Variants in PLA2G4E observed in about 807,000 individuals in gnomAD.
The protein encoded by PLA2G4E is cytosolic phospholipase A2 epsilon.
In PLA2G4E, 84 loss-of-function variants were observed where a neutral mutation model predicts 109.1. That is an observed-to-expected ratio of 0.77 (90% CI 0.65 to 0.92). The LOEUF is 0.92. PLA2G4E is among the 40% of genes least tolerant of loss of function. PLA2G4E has a pLI of 0.00. For missense variants in PLA2G4E, 1,057 were observed against 1,076.6 expected, an observed-to-expected ratio of 0.98 and a Z score of 0.25; for synonymous variants, 469 against 436.1, an observed-to-expected ratio of 1.08 and a Z score of -0.94.
At chr15:41,995,226 G>T in intron 12 of PLA2G4E, 134 bp downstream of exon 12, 1 of 1,192,096 alleles carries the variant, frequency 8.4e-7, no homozygotes, top group Non-Finnish European at 1.2e-6. Flanking sequence ...CCACACCACT[G>T]CATGTGGGGC....
intron 2 of PLA2G4E, chr15:42,009,772 A>C (rs1351560198): frequency 1.2e-5 from 2 of 166,454 alleles, no homozygotes; most frequent in East Asian, 3.6e-4. Flanking sequence ...CTGCCTTTGC[A>C]CATGTAGCTC....
chr15:41,989,599 C>CTGA (rs1282937797), intron 14 of PLA2G4E, 47 bp from the exon 15 acceptor site: 3 of 1,579,370 alleles, frequency 1.9e-6, no homozygotes, highest in Non-Finnish European at 2.6e-6. Flanking sequence ...GCCAGGGAGC[C>CTGA]GTCCACACAG....
intron 1 of PLA2G4E, among the ~76,000 whole-genome samples, chr15:42,043,741 G>C (rs567191786): frequency 1.6e-4 from 24 of 152,128 alleles, no homozygotes; most frequent in Non-Finnish European, 3.1e-4. Context: ...TGGGGCAGCA[G>C]TCAGCAATTA....
At chr15:41,985,232 G>A (rs2068121395) in intron 18 of PLA2G4E, among the ~76,000 whole-genome samples, 1 of 152,208 alleles carries the variant, frequency 6.6e-6, no homozygotes. Flanking sequence ...TCACACGTAG[G>A]AAAGTGCATT....
rs1215524342 is a variant in PLA2G4E, at chr15:41,995,421, GC to G, written c.1185del (p.Leu396CysfsTer4). On this transcript the variant is annotated frameshift_variant, in exon 12 of 20. Transcript: ENST00000399518. LOFTEE classifies it high-confidence loss of function. ...CAGTCCAGGAGGTTCAGCTTCTGCA[GC>G]CCCAGCAGGTGGCCATACATGGAGG... 6.2e-7 allele frequency: 1 copy of G among 1,613,828 alleles called. No individual in the cohort carries two copies. The highest frequency in any genetic ancestry group is 8.5e-7 in the Non-Finnish European group (1 of 1,179,840).
At chr15:42,007,090 A>G (rs2068484542) in intron 3 of PLA2G4E, among the ~76,000 whole-genome samples, 1 of 152,242 alleles carries the variant, frequency 6.6e-6, no homozygotes, top group African/African-American at 2.4e-5. Context: ...TGGAGGCAGT[A>G]AGGTGGAGCT....
intron 3 of PLA2G4E, among the ~76,000 whole-genome samples, chr15:42,006,491 A>C (rs757610919): frequency 8.5e-5 from 13 of 152,182 alleles, no homozygotes; most frequent in Non-Finnish European, 1.8e-4. Context: ...TGTGGTCAGC[A>C]CTGGGCCCCT....
chr15:41,984,114 T>A, intron 19 of PLA2G4E, 140 bp from the exon 20 acceptor site: 1 of 788,188 alleles, frequency 1.3e-6, no homozygotes, highest in Non-Finnish European at 2.1e-6. Flanking sequence ...ACGCACACCC[T>A]CACACACGCA....
chr15:41,984,584 C>T lies in PLA2G4E; in HGVS notation c.2238G>A (p.Gln746=), dbSNP rs149056482. Residue 746 remains glutamine (Q), a synonymous_variant, in exon 19 of 20, where the codon CAG becomes CAA. Transcript: ENST00000399518. ...GCTCGTATTTGGGGAAGGGGATGTT[C>T]TGCACAGTGCAGTACTCACAGGTTT... 201 of 1,613,636 alleles carry T rather than the reference C, an allele frequency of 1.2e-4. 1 individual carries two copies. The East Asian group carries it at 4.4e-3, about 36-fold the overall frequency.
At chr15:41,983,578 T>G in exon 20 of PLA2G4E, 1 of 615,456 alleles carries the variant, frequency 1.6e-6, no homozygotes, top group South Asian at 2.1e-5. Context: ...TCTCTCTCTC[T>G]TTCTGACTTT....
rs777612356 is a variant in PLA2G4E, at chr15:41,992,727, G to A, written c.1470+10C>T. 28 of 1,609,498 alleles carry A rather than the reference G, an allele frequency of 1.7e-5. No individual in the cohort carries two copies. The highest frequency in any genetic ancestry group is 8.0e-5 in the African/African-American group (6 of 74,800). On this transcript the variant is annotated intron_variant, in intron 13 of 19. Transcript: ENST00000399518. ...GGCAGGGTGGGGCCCAGGAGAAGCC[G>A]AGCACCTACCTCGTCCCCCAGGCAG...
At chr15:42,016,525 C>T (rs55845751) in intron 1 of PLA2G4E, among the ~76,000 whole-genome samples, 19,027 of 151,870 alleles carry the variant, frequency 0.13, 2,635 homozygotes, top group African/African-American at 0.33. Flanking sequence ...TTAGTAGAGA[C>T]GCAGTTTCAC....
chr15:41,987,896 G>GC (rs1018109981), intron 16 of PLA2G4E, among the ~76,000 whole-genome samples, 153 bp downstream of exon 16: 1 of 149,428 alleles, frequency 6.7e-6, no homozygotes, highest in African/African-American at 2.5e-5. Flanking sequence ...GCCGGGGGCC[G>GC]CCCCCCATCA....
At chr15:42,050,374 G>T in intron 1 of PLA2G4E, 1 of 931,960 alleles carries the variant, frequency 1.1e-6, no homozygotes, top group Admixed American at 2.9e-5. Context: ...GATGGCAGCA[G>T]GGTAAAGGGA....
intron 2 of PLA2G4E, chr15:42,010,134 C>CT: frequency 2.2e-6 from 1 of 464,266 alleles, no homozygotes. Flanking sequence ...GAACACTGGC[C>CT]CCCCCACCCC....
intron 11 of PLA2G4E, among the ~76,000 whole-genome samples, chr15:41,996,379 A>AAAAAAAAAAT: frequency 8.6e-6 from 1 of 116,872 alleles, no homozygotes; most frequent in East Asian, 2.5e-4. Flanking sequence ...AAAAAAAAAA[A>AAAAAAAAAAT]GGAGGGAGGA....
intron 1 of PLA2G4E, among the ~76,000 whole-genome samples, chr15:42,040,130 G>A (rs1889289201): frequency 6.6e-6 from 1 of 152,016 alleles, no homozygotes; most frequent in Non-Finnish European, 1.5e-5. Flanking sequence ...GAGGCCAGGA[G>A]TTCAAGACCA....
chr15:42,037,089 G>A (rs554205956), intron 1 of PLA2G4E, among the ~76,000 whole-genome samples: 1 of 152,352 alleles, frequency 6.6e-6, no homozygotes, highest in Admixed American at 6.5e-5. Flanking sequence ...TGGGGGGTGA[G>A]GCCAAGGTGG....
chr15:42,013,588 C>T (rs2068559386), intron 2 of PLA2G4E, 97 bp downstream of exon 2: 1 of 1,220,844 alleles, frequency 8.2e-7, no homozygotes. Context: ...TGCGCGCGCA[C>T]ACACACACAC....
Sources: allele counts gnomAD v4.1 joint callset (sites outside exome capture counted in the v4.1 genomes callset), GRCh38; gene constraint gnomAD v4.1.1; transcripts MANE v1.5; gene names NCBI Gene and HGNC (gene_info 2026-07-23, HGNC 2026-07-21).